The following SNTG2 variants were observed in gnomAD, a reference collection of about 807,000 sequenced individuals.
SNTG2 encodes gamma-2-syntrophin.
SNTG2 carries 74 observed loss-of-function variants against 70.9 expected under a neutral mutation model. The observed-to-expected ratio is 1.04, with a 90% CI of 0.86 to 1.27. The LOEUF is 1.27. Among genes scored for constraint, SNTG2 ranks in the 50% most tolerant of loss-of-function variants. The pLI is 0.00. For missense variants in SNTG2, 717 were observed against 690.7 expected (o/e 1.04, Z -0.43); for synonymous variants, 278 against 273.8 (o/e 1.02, Z -0.15).
chr2:1,326,298 G>A (rs904732276), intron 16 of SNTG2, among the ~76,000 whole-genome samples: 1 of 152,096 alleles, frequency 6.6e-6, no homozygotes, highest in Non-Finnish European at 1.5e-5. Context: ...TGGACTTGCA[G>A]GAGCCCTATT....
At chr2:1,163,095 G>A (rs902782890) in intron 6 of SNTG2, among the ~76,000 whole-genome samples, 1 of 152,046 alleles carries the variant, frequency 6.6e-6, no homozygotes, top group African/African-American at 2.4e-5. Context: ...AACTGGAAGT[G>A]GGCTTTTGAG....
rs542649481 is a variant in SNTG2, at chr2:1,052,049, AT to A, written c.73-31461del. Among the ~76,000 whole-genome samples, 7 of 148,200 alleles carry A rather than the reference AT, an allele frequency of 4.7e-5. 1 individual carries two copies. The highest frequency in any genetic ancestry group is 2.2e-4 in the South Asian group (1 of 4,626). ...TAGATTTCATAATATTTTATTTAGG[AT>A]TTTTTTTATTTATATTCATGGGGGT... On this transcript the variant is annotated intron_variant, in intron 1 of 16. Coordinates refer to ENST00000308624, the MANE Select transcript of SNTG2 (RefSeq NM_018968.4).
intron 1 of SNTG2, among the ~76,000 whole-genome samples, chr2:1,017,844 G>C (rs1488972224): frequency 3.3e-5 from 5 of 152,212 alleles, no homozygotes; most frequent in Non-Finnish European, 7.3e-5. Context: ...ATAACTGTCA[G>C]GTTCCGAGCA....
Position 977,417 on chromosome 2 carries a change from G to T in SNTG2, c.72+26349G>T, listed in dbSNP as rs574540348. ...CCTGCTTTGAGTCTGCTGTGGGAAA[G>T]TTCGCTGGATTTAACTGATTCCCCA... On this transcript the variant is annotated intron_variant, in intron 1 of 16. Coordinates refer to ENST00000308624, the MANE Select transcript of SNTG2 (RefSeq NM_018968.4). Among the ~76,000 whole-genome samples the T allele has an allele frequency of 4.5e-3, 679 of 152,258 alleles. 2 individuals are homozygous for T. The highest frequency in any genetic ancestry group is 7.7e-3 in the Non-Finnish European group (525 of 68,018).
chr2:1,323,889 G>A (rs957244219), intron 16 of SNTG2, among the ~76,000 whole-genome samples: 8 of 151,310 alleles, frequency 5.3e-5, no homozygotes, highest in Admixed American at 2.0e-4. Context: ...CAGTAATGTG[G>A]GACATGGGTA....
chr2:1,254,291 G>A lies in SNTG2; in HGVS notation c.1006-5079G>A, dbSNP rs578087929. 6.6e-5 allele frequency among the ~76,000 whole-genome samples: 10 copies of A among 152,302 alleles called. 1 individual carries two copies. The East Asian group carries it at 1.2e-3, about 18-fold the overall frequency. On this transcript the variant is annotated intron_variant, in intron 12 of 16. Coordinates refer to ENST00000308624, the MANE Select transcript of SNTG2 (RefSeq NM_018968.4). The stretch of plus-strand genomic sequence containing the variant: ...TGCACCAGGAGATGCTGGAAGAGCT[G>A]AGATTAAAGCCGGGACTCTCAACAA...
intron 9 of SNTG2, among the ~76,000 whole-genome samples, chr2:1,222,521 G>A (rs1675353775): frequency 7.9e-6 from 1 of 126,800 alleles, no homozygotes; most frequent in South Asian, 2.5e-4. Flanking sequence ...TCCCTGTCCT[G>A]CCTGCTGCTG....
chr2:982,728 C>T (rs764478892), intron 1 of SNTG2, among the ~76,000 whole-genome samples: 2 of 152,226 alleles, frequency 1.3e-5, no homozygotes, highest in Non-Finnish European at 2.9e-5. Context: ...GCTATCTCTT[C>T]TCTTGTGCTC....
chr2:1,192,064 A>G (rs1417662197), intron 8 of SNTG2, among the ~76,000 whole-genome samples: 2 of 152,212 alleles, frequency 1.3e-5, no homozygotes, highest in African/African-American at 2.4e-5. Flanking sequence ...ATATTTTTAG[A>G]TAAAAATGAA....
chr2:1,150,477 C>T (rs5006485), intron 6 of SNTG2, among the ~76,000 whole-genome samples: 142,549 of 152,168 alleles, frequency 0.94, 66,896 homozygotes, highest in Non-Finnish European at 0.97. Context: ...TGGTGGGTGA[C>T]GTGCAGCCCA....
chr2:959,386 C>T (rs1400007235), intron 1 of SNTG2, among the ~76,000 whole-genome samples: 2 of 152,132 alleles, frequency 1.3e-5, no homozygotes, highest in East Asian at 1.9e-4. Flanking sequence ...TCTTCCAAAG[C>T]TTTATCAAAT....
intron 15 of SNTG2, among the ~76,000 whole-genome samples, chr2:1,312,729 G>A (rs533946458): frequency 3.3e-5 from 5 of 152,332 alleles, no homozygotes; most frequent in Non-Finnish European, 7.3e-5. Flanking sequence ...TATTTAGAGC[G>A]ATTGGTGCAG....
At chr2:1,259,588 C>T (rs1678310426) in intron 13 of SNTG2, 147 bp downstream of exon 13, 6 of 669,112 alleles carry the variant, frequency 9.0e-6, no homozygotes, top group Non-Finnish European at 1.5e-5. Flanking sequence ...ACCCATTCTC[C>T]TGCCCTACCT....
intron 16 of SNTG2, among the ~76,000 whole-genome samples, chr2:1,351,826 C>T (rs1379347046): frequency 3.3e-5 from 5 of 152,304 alleles, no homozygotes; most frequent in East Asian, 3.9e-4. Flanking sequence ...ATGCTCACCC[C>T]ACCCTCTCTG....
chr2:977,881 G>A lies in SNTG2; in HGVS notation c.72+26813G>A, dbSNP rs60595910. Among the ~76,000 whole-genome samples the A allele has an allele frequency of 5.0e-3, 767 of 152,282 alleles. 8 individuals carry two copies. Among genetic ancestry groups the A allele is most frequent in the African/African-American group, 0.016 (645 of 41,554 alleles). On this transcript the variant is annotated intron_variant, in intron 1 of 16. Coordinates refer to ENST00000308624, the MANE Select transcript of SNTG2 (RefSeq NM_018968.4). ...GCCACCTACTCCTCTTCAAGTAACT[G>A]ATCTCATCTCTTTCATCTCAGCTCA...
intron 16 of SNTG2, among the ~76,000 whole-genome samples, chr2:1,340,588 C>T (rs1302375196): frequency 1.3e-5 from 2 of 152,172 alleles, no homozygotes; most frequent in Non-Finnish European, 2.9e-5. Context: ...TGTGAAATAT[C>T]TCTAATGTAA....
intron 16 of SNTG2, among the ~76,000 whole-genome samples, chr2:1,334,281 A>G (rs60565192): frequency 0.02 from 3,073 of 152,270 alleles, 103 homozygotes; most frequent in African/African-American, 0.07. Flanking sequence ...CATAATCAAA[A>G]AGTTAAAAAA....
At chr2:976,199 G>A (rs762975191) in intron 1 of SNTG2, among the ~76,000 whole-genome samples, 2 of 152,184 alleles carry the variant, frequency 1.3e-5, no homozygotes, top group Admixed American at 6.5e-5. Context: ...CATATTCAAG[G>A]TAAATAGAAA....
intron 16 of SNTG2, among the ~76,000 whole-genome samples, chr2:1,332,966 A>C (rs1407816297): frequency 6.6e-6 from 1 of 152,206 alleles, no homozygotes; most frequent in African/African-American, 2.4e-5. Context: ...GCAATCAGAC[A>C]AGAAAAACAA....
Sources: allele counts gnomAD v4.1 joint callset (sites outside exome capture counted in the v4.1 genomes callset), GRCh38; gene constraint gnomAD v4.1.1; transcripts MANE v1.5; gene names NCBI Gene and HGNC (gene_info 2026-07-23, HGNC 2026-07-21).